UGGT2: variants seen among roughly 807,000 people sequenced by gnomAD.
The protein encoded by UGGT2 is UDP-glucose:glycoprotein glucosyltransferase 2.
In UGGT2, 180 loss-of-function variants were observed where a neutral mutation model predicts 192.1. The ratio of observed to expected loss-of-function variants is 0.94; its 90% CI spans 0.83 to 1.06. UGGT2 has a LOEUF of 1.06. UGGT2 is among the 50% of genes least tolerant of loss of function. UGGT2 has a pLI of 0.00. For missense variants in UGGT2, 1,849 were observed against 1,795.7 expected (o/e 1.03, Z -0.54); for synonymous variants, 580 against 591.0 (o/e 0.98, Z 0.27).
In UGGT2 at chr13:95,853,560, G is replaced by C. The variant is rs774229405; in HGVS notation, c.4267C>G (p.Leu1423Val). 1.2e-6 allele frequency: 2 copies of C among 1,613,178 alleles called. No homozygotes were observed. The highest frequency in any genetic ancestry group is 1.7e-6 in the Non-Finnish European group (2 of 1,179,570). Residue 1423 changes from leucine to valine, a missense_variant, in exon 36 of 39, where the codon CTT (leucine) becomes GTT (valine). Leu to Val is a conservative substitution (Grantham distance 32, BLOSUM62 1). Coordinates refer to ENST00000376747, the MANE Select transcript of UGGT2 (RefSeq NM_020121.4). ...YQALSQDPNS[L>V]SNLDQDLPNN... is the part of the protein sequence containing the mutation. ...TTACTTACCTGATCTAGGTTTGAAAGACTGTTTGGATCTTGACTGAGAGCT... is the reference window on the plus strand; with the variant it reads ...TTACTTACCTGATCTAGGTTTGAAACACTGTTTGGATCTTGACTGAGAGCT...
chr13:96,018,587 C>T (rs1339087922), intron 4 of UGGT2, among the ~76,000 whole-genome samples: 3 of 151,492 alleles, frequency 2.0e-5, no homozygotes, highest in Admixed American at 2.0e-4. Flanking sequence ...CAATCATTAC[C>T]ATCCTAAATG....
intron 10 of UGGT2, among the ~76,000 whole-genome samples, chr13:95,974,259 A>G (rs1465831397): frequency 1.3e-5 from 2 of 152,238 alleles, no homozygotes; most frequent in Non-Finnish European, 2.9e-5. Context: ...TGTGCCTATC[A>G]AAGTTAATTA....
Position 96,053,298 on chromosome 13 carries a change from T to C in UGGT2, c.15A>G (p.Lys5=). Residue 5 remains lysine (K), a synonymous_variant, in exon 1 of 39, where the codon AAA becomes AAG. Transcript: ENST00000376747. MAPA[K]ATNVVRLLLG... The stretch of plus-strand genomic sequence containing the variant: ...GTAGCAGCCGCACCACGTTCGTGGC[T>C]TTCGCTGGCGCCATGGCACGGAGAG... The C allele has an allele frequency of 1.3e-6, 2 of 1,578,876 alleles. No homozygotes were observed. Among genetic ancestry groups the C allele is most frequent in the African/African-American group, 1.4e-5 (1 of 72,632 alleles).
intron 7 of UGGT2, 164 bp downstream of exon 7, chr13:95,995,899 T>C (rs2051602306): frequency 1.6e-6 from 1 of 611,208 alleles, no homozygotes; most frequent in Non-Finnish European, 2.9e-6. Flanking sequence ...TTTTTGACAT[T>C]AGCCATGTGT....
intron 27 of UGGT2, among the ~76,000 whole-genome samples, chr13:95,879,777 T>G (rs2047440593): frequency 1.3e-5 from 2 of 152,228 alleles, no homozygotes; most frequent in Admixed American, 6.5e-5. Flanking sequence ...GTTAGTGATC[T>G]TTTTTGATGC....
intron 17 of UGGT2, among the ~76,000 whole-genome samples, chr13:95,929,780 T>C (rs2049180261): frequency 6.6e-6 from 1 of 152,226 alleles, no homozygotes; most frequent in South Asian, 2.1e-4. Flanking sequence ...GAACGATTTA[T>C]TTTCCTCTGG....
chr13:95,984,707 T>C (rs1461194256), intron 9 of UGGT2, among the ~76,000 whole-genome samples: 1 of 152,174 alleles, frequency 6.6e-6, no homozygotes, highest in Non-Finnish European at 1.5e-5. Context: ...TCCTATGGAC[T>C]GTATTCAACT....
At chr13:95,806,037 A>C in intron 38 of UGGT2, among the ~76,000 whole-genome samples, 1 of 89,704 alleles carries the variant, frequency 1.1e-5, no homozygotes, top group African/African-American at 8.4e-5. Flanking sequence ...AGAGATTATT[A>C]AAAAAAAAAA....
intron 12 of UGGT2, among the ~76,000 whole-genome samples, chr13:95,951,265 A>C (rs1432378051): frequency 6.6e-6 from 1 of 152,244 alleles, no homozygotes; most frequent in Non-Finnish European, 1.5e-5. Flanking sequence ...TTGGAATTCA[A>C]AAGTATAATA....
intron 31 of UGGT2, among the ~76,000 whole-genome samples, chr13:95,862,133 G>C (rs1005076313): frequency 1.3e-5 from 2 of 152,046 alleles, no homozygotes; most frequent in Non-Finnish European, 2.9e-5. Context: ...GAGTGGACTT[G>C]ATCCTTTCTC....
intron 17 of UGGT2, among the ~76,000 whole-genome samples, chr13:95,928,921 G>T (rs1179468673): frequency 2.6e-5 from 4 of 152,202 alleles, no homozygotes; most frequent in African/African-American, 9.6e-5. Flanking sequence ...CACTAAGTGA[G>T]CGAGACTCCA....
At chr13:96,020,930 T>C (rs1312982112) in intron 4 of UGGT2, among the ~76,000 whole-genome samples, 1 of 152,194 alleles carries the variant, frequency 6.6e-6, no homozygotes, top group Non-Finnish European at 1.5e-5. Context: ...ACAAATGACT[T>C]TACTGCTCAT....
chr13:95,821,110 C>A (rs756751495), intron 38 of UGGT2, among the ~76,000 whole-genome samples: 43 of 152,000 alleles, frequency 2.8e-4, no homozygotes, highest in Admixed American at 2.7e-3. Flanking sequence ...TACCTAGCAG[C>A]GGGATTTCTG....
At chr13:96,008,035 T>C (rs1381927983) in intron 5 of UGGT2, among the ~76,000 whole-genome samples, 3 of 152,064 alleles carry the variant, frequency 2.0e-5, no homozygotes, top group African/African-American at 7.2e-5. Flanking sequence ...AAATATCAAA[T>C]CAAAATTGAT....
chr13:95,947,057 C>T lies in UGGT2; in HGVS notation c.1657G>A (p.Ala553Thr). Residue 553 changes from alanine (A) to threonine (T), a missense_variant, in exon 15 of 39, where the codon GCA becomes ACA. By Grantham distance (58) the Ala-to-Thr change is moderately conservative. Transcript: ENST00000376747. The part of the protein sequence containing the change: ...YIAEEFDISE[A>T]FISIVHMYQK... Reference sequence around the variant, plus strand: ...CTCACGTGTACTATAGAAATAAATGCTTCTGATATATCAAATTCTTCTGCA... The same window carrying T: ...CTCACGTGTACTATAGAAATAAATGTTTCTGATATATCAAATTCTTCTGCA... 1 of 1,603,930 alleles carries T rather than the reference C, an allele frequency of 6.2e-7. No homozygotes were observed. The highest frequency in any genetic ancestry group is 8.5e-7 in the Non-Finnish European group (1 of 1,177,292).
chr13:95,952,142 A>G (rs576794406), intron 12 of UGGT2, among the ~76,000 whole-genome samples: 2 of 152,166 alleles, frequency 1.3e-5, no homozygotes, highest in Non-Finnish European at 2.9e-5. Flanking sequence ...TTCTCTTACT[A>G]TGGATAGTTT....
At chr13:95,930,977 C>T (rs1420623090) in intron 17 of UGGT2, among the ~76,000 whole-genome samples, 1 of 145,336 alleles carries the variant, frequency 6.9e-6, no homozygotes, top group African/African-American at 2.4e-5. Context: ...AAACCTCCCA[C>T]AGCATGGAAA....
At chr13:95,914,384 A>C (rs1431443294) in intron 20 of UGGT2, among the ~76,000 whole-genome samples, 1 of 152,090 alleles carries the variant, frequency 6.6e-6, no homozygotes, top group Non-Finnish European at 1.5e-5. Flanking sequence ...AAAAGGAGAG[A>C]ATTAAAGATT....
chr13:95,940,167 T>A, intron 15 of UGGT2, 76 bp from the exon 16 acceptor site: 1 of 1,155,226 alleles, frequency 8.7e-7, no homozygotes, highest in Non-Finnish European at 1.2e-6. Flanking sequence ...AGCATGCAGA[T>A]AGATTTTTAT....
Sources: gnomAD v4.1 joint callset for allele counts (sites outside exome capture counted in the v4.1 genomes callset) on GRCh38, gnomAD v4.1.1 for gene constraint, MANE v1.5 for transcripts, NCBI Gene and HGNC (gene_info 2026-07-23, HGNC 2026-07-21) for gene names.